The following RREB1 variants were observed in gnomAD, a reference collection of about 807,000 sequenced individuals.
RREB1 encodes the protein ras responsive element binding protein 1, also known as ras-responsive element-binding protein 1.
Under a neutral mutation model 117.8 loss-of-function variants are expected in RREB1, and 27 were observed. That is an observed-to-expected ratio of 0.23 (90% CI 0.17 to 0.32). RREB1 has a LOEUF of 0.32. RREB1 is among the 10% of genes least tolerant of loss of function. RREB1 has a pLI of 1.00. For synonymous variants in RREB1, 1,298 were observed against 1,026.7 expected (o/e 1.26, Z -5.05); for missense variants, 2,577 against 2,378.2 (o/e 1.08, Z -1.74).
rs546701151 is a variant in RREB1 at position 7,115,661 on chromosome 6, G to GCACTCTGC, written c.-285+7602_-285+7609dup. Among the ~76,000 whole-genome samples, 134 of 152,212 alleles carry GCACTCTGC rather than the reference G, an allele frequency of 8.8e-4. 1 individual carries two copies. The highest frequency in any genetic ancestry group is 3.1e-3 in the African/African-American group (127 of 41,526). On this transcript the variant is annotated intron_variant, in intron 1 of 12. Transcript: ENST00000379938. The stretch of plus-strand genomic sequence containing the variant: ...GTAACGAGTCCTGTTCCTGCAGAAC[G>GCACTCTGC]CACTCTGCGTTCTGGTGCTTTTCTG...
chr6:7,127,396 A>T (rs1396457069), intron 1 of RREB1, among the ~76,000 whole-genome samples: 1 of 152,144 alleles, frequency 6.6e-6, no homozygotes, highest in East Asian at 1.9e-4. Flanking sequence ...TTTTCAACCC[A>T]GGATATGTGG....
intron 1 of RREB1, among the ~76,000 whole-genome samples, chr6:7,169,164 T>TA (rs1371339294): frequency 6.6e-6 from 1 of 152,242 alleles, no homozygotes; most frequent in African/African-American, 2.4e-5. Flanking sequence ...GGCCTCTTCC[T>TA]ACCCTTTCTT....
chr6:7,114,277 A>G (rs1761280581), intron 1 of RREB1, among the ~76,000 whole-genome samples: 1 of 152,126 alleles, frequency 6.6e-6, no homozygotes, highest in South Asian at 2.1e-4. Context: ...ACACACCACC[A>G]CGCCCAGCTA....
chr6:7,159,801 C>A (rs1763559474), intron 1 of RREB1, among the ~76,000 whole-genome samples: 1 of 152,150 alleles, frequency 6.6e-6, no homozygotes, highest in Non-Finnish European at 1.5e-5. Context: ...GTAGTTCTGT[C>A]CTTTCCTGGA....
chr6:7,226,474 A>G lies in RREB1; in HGVS notation c.715A>G (p.Ile239Val), dbSNP rs779663496. Residue 239 changes from isoleucine (I) to valine (V), a missense_variant, in exon 9 of 13, where the codon ATT becomes GTT. Ile to Val is a conservative substitution (Grantham distance 29). Coordinates refer to ENST00000379938, the MANE Select transcript of RREB1 (RefSeq NM_001003699.4). ...THSDNPLRCD[I>V]CCVTFRTHRG... Reference sequence around the variant, plus strand: ...CTCCCTTTCCTCTCCTAGATGTGACATTTGTTGTGTCACCTTTCGAACACA... The same window carrying G: ...CTCCCTTTCCTCTCCTAGATGTGACGTTTGTTGTGTCACCTTTCGAACACA... 2 of 1,611,480 alleles carry G rather than the reference A, an allele frequency of 1.2e-6. No individual in the cohort carries two copies. Among genetic ancestry groups the G allele is most frequent in the South Asian group, 1.1e-5 (1 of 90,652 alleles).
intron 11 of RREB1, among the ~76,000 whole-genome samples, chr6:7,245,365 A>G (rs557344958): frequency 6.6e-6 from 1 of 152,312 alleles, no homozygotes; most frequent in African/African-American, 2.4e-5. Context: ...ATTGCACTCC[A>G]GCCTGGGCGA....
chr6:7,182,021 C>T lies in RREB1; in HGVS notation c.110C>T (p.Pro37Leu). ...VGKVTENGGS[P>L]QGIKSPSKPP... ...AAGGTCACAGAGAATGGCGGGAGCC[C>T]CCAGGGGATCAAGTCCCCCTCGAAG... is the stretch of plus-strand genomic sequence containing the variant. The change falls in exon 4 of 13, where the codon CCC becomes CTC. Residue 37 changes from proline to leucine, a missense_variant. Physicochemically the swap from Pro to Leu is moderately conservative, Grantham distance 98 (BLOSUM62 -3). Transcript: ENST00000379938. 4 of 1,614,148 alleles carry T rather than the reference C, an allele frequency of 2.5e-6. No individual in the cohort carries two copies. The highest frequency in any genetic ancestry group is 1.1e-5 in the South Asian group (1 of 91,082).
At chr6:7,241,963 C>T (rs1768730032) in intron 11 of RREB1, among the ~76,000 whole-genome samples, 1 of 152,228 alleles carries the variant, frequency 6.6e-6, no homozygotes, top group Non-Finnish European at 1.5e-5. Flanking sequence ...TGGAAGCGCA[C>T]ACCAGTGCTG....
chr6:7,132,064 G>A (rs898052842), intron 1 of RREB1, among the ~76,000 whole-genome samples: 3 of 151,782 alleles, frequency 2.0e-5, no homozygotes, highest in African/African-American at 7.3e-5. Context: ...TTTTTGGTTT[G>A]TTTGTTTGAG....
chr6:7,203,684 T>G (rs1766112859), intron 6 of RREB1, among the ~76,000 whole-genome samples: 1 of 152,230 alleles, frequency 6.6e-6, no homozygotes, highest in Non-Finnish European at 1.5e-5. Context: ...ATTCCTTAAC[T>G]TCTGATAAAA....
In RREB1 at chr6:7,229,800, C is replaced by T. The variant is rs771721784; in HGVS notation, c.1701C>T (p.Ser567=). The change falls in exon 10 of 13, where the codon TCC becomes TCT. Residue 567 remains serine, a synonymous_variant. Transcript: ENST00000379938. The surrounding 1 kb of genome is among the most constrained non-coding windows in gnomAD (Gnocchi z 4.5). ...ACGCCCACCTGCTGCAGTCCAAGTC[C>T]GGGACCCAGCCCCACGCGGCCACGC... ...ASNAHLLQSK[S]GTQPHAATRL... 11 of 1,610,312 alleles carry T rather than the reference C, an allele frequency of 6.8e-6. No homozygotes were observed. The African/African-American group carries it at 8.0e-5, about 12-fold the overall frequency.
chr6:7,166,760 A>T (rs1016300987), intron 1 of RREB1, among the ~76,000 whole-genome samples: 11 of 152,188 alleles, frequency 7.2e-5, no homozygotes, highest in African/African-American at 2.7e-4. Flanking sequence ...CGAAGCCCAG[A>T]TTTAAGGTAA....
chr6:7,127,944 G>A (rs1351025916), intron 1 of RREB1, among the ~76,000 whole-genome samples: 1 of 152,128 alleles, frequency 6.6e-6, no homozygotes, highest in Non-Finnish European at 1.5e-5. Flanking sequence ...GGCCTGAAAA[G>A]TTAGAGTGGA....
chr6:7,139,106 C>G (rs1762457549), intron 1 of RREB1: 1 of 152,210 alleles, frequency 6.6e-6, no homozygotes, highest in Non-Finnish European at 1.5e-5. Context: ...GCCCCTTGCC[C>G]TGCCTGCCTG....
rs1767972990 is a variant in RREB1 at position 7,231,480 on chromosome 6, T to G, written c.3381T>G (p.Ser1127Arg). 1 of 1,612,014 alleles carries G rather than the reference T, an allele frequency of 6.2e-7. No homozygotes were observed. Among genetic ancestry groups the G allele is most frequent in the Admixed American group, 1.7e-5 (1 of 59,834 alleles). ...PAATTSPKES[S>R]EPPAPASSPE... is the part of the protein sequence containing the mutation. The stretch of plus-strand genomic sequence containing the variant: ...CCACCACCAGCCCAAAAGAGTCTAG[T>G]GAGCCTCCCGCTCCAGCCAGCAGCC... Residue 1127 changes from serine (S) to arginine (R), a missense_variant, in exon 10 of 13, where the codon AGT becomes AGG. Transcript: ENST00000379938.
At chr6:7,137,823 T>A (rs1581434164) in intron 1 of RREB1, among the ~76,000 whole-genome samples, 1 of 152,268 alleles carries the variant, frequency 6.6e-6, no homozygotes, top group East Asian at 1.9e-4. Context: ...GCCTCAGCTT[T>A]CAGAGTCTCT....
At chr6:7,211,918 T>C (rs1271097090) in intron 8 of RREB1, 1 of 572,078 alleles carries the variant, frequency 1.7e-6, no homozygotes, top group Non-Finnish European at 3.1e-6. Flanking sequence ...TTCACATGGT[T>C]CACTGTGCCT....
Position 7,230,395 on chromosome 6 carries a change from C to T in RREB1, c.2296C>T (p.Arg766Cys), listed in dbSNP as rs1254556261. 3 of 1,592,706 alleles carry T rather than the reference C, an allele frequency of 1.9e-6. No individual in the cohort carries two copies. The highest frequency in any genetic ancestry group is 1.7e-4 in the Middle Eastern group (1 of 6,046). Reference protein sequence around the residue: ...RLCGEDLKHYRALRIHMRTHC... With the variant: ...RLCGEDLKHYCALRIHMRTHC... The stretch of plus-strand genomic sequence containing the variant: ...GTGCGGCGAGGACCTCAAGCACTAT[C>T]GTGCCCTGCGCATCCACATGCGCAC... Residue 766 changes from arginine to cysteine, a missense_variant, in exon 10 of 13, where the codon CGT becomes TGT. Physicochemically the swap from Arg to Cys is radical, Grantham distance 180. Transcript: ENST00000379938.
At chr6:7,152,970 C>A (rs931943972) in intron 1 of RREB1, among the ~76,000 whole-genome samples, 3 of 152,116 alleles carry the variant, frequency 2.0e-5, no homozygotes, top group African/African-American at 7.2e-5. Context: ...TTCTTAGTTC[C>A]CTCTCCCCAA....
Sources: gnomAD v4.1 joint callset for allele counts (sites outside exome capture counted in the v4.1 genomes callset) on GRCh38, gnomAD v4.1.1 for gene constraint, Gnocchi (gnomAD v3.1) non-coding constraint, MANE v1.5 for transcripts, NCBI Gene and HGNC (gene_info 2026-07-23, HGNC 2026-07-21) for gene names.